The following LARGE1 variants were observed in gnomAD, a reference collection of about 807,000 sequenced individuals.
LARGE1 encodes LARGE xylosyl- and glucuronyltransferase 1, also known as xylosyl- and glucuronyltransferase LARGE1.
A neutral mutation model predicts 87.6 loss-of-function variants in LARGE1; 43 were observed. That is an observed-to-expected ratio of 0.49 (90% CI 0.38 to 0.63). The LOEUF is 0.63. LARGE1 is among the 30% of genes least tolerant of loss of function. LARGE1 has a pLI of 0.00. For missense variants in LARGE1, 802 were observed against 1,000.2 expected (o/e 0.80, Z 2.67); for synonymous variants, 434 against 394.6 (o/e 1.10, Z -1.18).
chr22:33,632,879 T>C (rs1191171669), intron 3 of LARGE1, among the ~76,000 whole-genome samples: 1 of 152,228 alleles, frequency 6.6e-6, no homozygotes, highest in Admixed American at 6.5e-5. Flanking sequence ...TCTTGAGTAA[T>C]GAACCATAAA....
At chr22:33,890,930 GCGCCAAGGCAT>G (rs1290694926) in intron 1 of LARGE1, among the ~76,000 whole-genome samples, 1 of 152,106 alleles carries the variant, frequency 6.6e-6, no homozygotes, top group African/African-American at 2.4e-5. Flanking sequence ...TACTGCCCTA[GCGCCAAGGCAT>G]GCAACAGCTC....
intron 2 of LARGE1, among the ~76,000 whole-genome samples, chr22:33,740,342 T>C (rs1303719588): frequency 6.6e-6 from 1 of 152,160 alleles, no homozygotes; most frequent in African/African-American, 2.4e-5. Context: ...CAATAGTGAG[T>C]CCTTCCCTGC....
At chr22:33,187,958 A>AG (rs1568965472) in intron 11 of LARGE1, among the ~76,000 whole-genome samples, 1 of 107,472 alleles carries the variant, frequency 9.3e-6, no homozygotes, top group Non-Finnish European at 1.8e-5. Flanking sequence ...AAAAAAAAAA[A>AG]AATCACTAAG....
At chr22:33,295,703 C>T (rs959136856) in intron 12 of LARGE1, among the ~76,000 whole-genome samples, 2 of 152,170 alleles carry the variant, frequency 1.3e-5, no homozygotes, top group Non-Finnish European at 2.9e-5. Context: ...GAGCTCTTGG[C>T]TGACTGGCTT....
intron 9 of LARGE1, among the ~76,000 whole-genome samples, chr22:33,343,107 G>A (rs1358787696): frequency 1.3e-5 from 2 of 152,044 alleles, no homozygotes; most frequent in East Asian, 1.9e-4. Flanking sequence ...CTAGACATTA[G>A]GCTGGTGTTT....
At chr22:33,347,937 C>T (rs576618055) in intron 9 of LARGE1, among the ~76,000 whole-genome samples, 1 of 152,226 alleles carries the variant, frequency 6.6e-6, no homozygotes, top group Admixed American at 6.5e-5. Context: ...AAAGAGTCAC[C>T]TTACCAATGA....
chr22:33,869,263 C>T (rs1422890832), intron 1 of LARGE1, among the ~76,000 whole-genome samples: 2 of 152,136 alleles, frequency 1.3e-5, no homozygotes, highest in Non-Finnish European at 2.9e-5. Context: ...GGCCTACTCA[C>T]CTTCCCTACT....
intron 1 of LARGE1, among the ~76,000 whole-genome samples, chr22:33,824,841 G>A (rs1350431526): frequency 6.6e-6 from 1 of 152,214 alleles, no homozygotes; most frequent in African/African-American, 2.4e-5. Context: ...TTCAATAAAT[G>A]TCAGTTTATA....
chr22:33,654,761 A>C (rs16992725), intron 2 of LARGE1, among the ~76,000 whole-genome samples: 3,390 of 152,280 alleles, frequency 0.022, 96 homozygotes, highest in African/African-American at 0.071. Flanking sequence ...CTATGTAAAC[A>C]ACTGTGCCCA....
At chr22:33,772,830 T>C (rs1419610844) in intron 1 of LARGE1, among the ~76,000 whole-genome samples, 1 of 143,224 alleles carries the variant, frequency 7.0e-6, no homozygotes, top group Non-Finnish European at 1.5e-5. Context: ...ATGGGAAGCA[T>C]TCAGTGAGTA....
chr22:33,212,091 A>T (rs1418859464), intron 11 of LARGE1, among the ~76,000 whole-genome samples: 2 of 152,224 alleles, frequency 1.3e-5, no homozygotes, highest in Non-Finnish European at 2.9e-5. Flanking sequence ...AGCTGAAGTT[A>T]TCCAGAAGAT....
chr22:33,520,238 C>T (rs1181209175), intron 6 of LARGE1, among the ~76,000 whole-genome samples: 1 of 151,936 alleles, frequency 6.6e-6, no homozygotes, highest in East Asian at 1.9e-4. Context: ...CCATGCCTGG[C>T]TAATTTTTTA....
intron 7 of LARGE1, among the ~76,000 whole-genome samples, chr22:33,405,011 G>C (rs939888045): frequency 7.2e-5 from 11 of 152,206 alleles, no homozygotes; most frequent in African/African-American, 2.7e-4. Context: ...TGGGGAAGAG[G>C]AGCATAAAGG....
intron 11 of LARGE1, among the ~76,000 whole-genome samples, chr22:33,262,737 C>T (rs534705260): frequency 2.3e-4 from 35 of 151,838 alleles, no homozygotes; most frequent in Admixed American, 9.2e-4. Context: ...TGCAGACATC[C>T]TTTCTTTCCT....
chr22:33,638,900 G>A (rs543022150), intron 3 of LARGE1, among the ~76,000 whole-genome samples: 1 of 152,338 alleles, frequency 6.6e-6, no homozygotes, highest in African/African-American at 2.4e-5. Context: ...TCTGGCATCA[G>A]AGGATAACAT....
chr22:33,137,530 A>C, the LARGE1 span, among the ~76,000 whole-genome samples: 2 of 152,234 alleles, frequency 1.3e-5, no homozygotes, highest in Admixed American at 6.5e-5. Flanking sequence ...CTGGCTGCAG[A>C]AATTTGCATA....
In LARGE1 at chr22:33,809,759, T is replaced by C. The variant is rs555274805; in HGVS notation, c.-82-48201A>G. On this transcript the variant is annotated intron_variant, in intron 1 of 14. Coordinates refer to ENST00000397394, the MANE Select transcript of LARGE1 (RefSeq NM_133642.5). Reference sequence around the variant, plus strand: ...TAAAAATAACCAATGAGATATTTTATAGTTTTCCATACTAAATATTCAAGA... The same window carrying C: ...TAAAAATAACCAATGAGATATTTTACAGTTTTCCATACTAAATATTCAAGA... Among the ~76,000 whole-genome samples, 15 of 152,308 alleles carry C rather than the reference T, an allele frequency of 9.8e-5. No individual in the cohort carries two copies. In the South Asian group the frequency reaches 3.1e-3, roughly 32 times the overall value.
chr22:33,766,611 G>C (rs940682650), intron 1 of LARGE1, among the ~76,000 whole-genome samples: 1 of 151,888 alleles, frequency 6.6e-6, no homozygotes, highest in Non-Finnish European at 1.5e-5. Flanking sequence ...TTTTAGTAGA[G>C]ACAGGGTTTC....
At chr22:33,644,755 T>C (rs2080553530) in intron 3 of LARGE1, among the ~76,000 whole-genome samples, 1 of 152,178 alleles carries the variant, frequency 6.6e-6, no homozygotes, top group Non-Finnish European at 1.5e-5. Context: ...CAAGCACTCC[T>C]ATACACCAAT....
Sources: allele counts gnomAD v4.1 joint callset (sites outside exome capture counted in the v4.1 genomes callset), GRCh38; gene constraint gnomAD v4.1.1; transcripts MANE v1.5; gene names NCBI Gene and HGNC (gene_info 2026-07-23, HGNC 2026-07-21).